Variants in NRG1 observed in about 807,000 individuals in gnomAD.
The protein encoded by NRG1 is neuregulin 1.
A neutral mutation model predicts 63.8 loss-of-function variants in NRG1; 18 were observed. That is an observed-to-expected ratio of 0.28 (90% confidence interval 0.19 to 0.42). NRG1 has a LOEUF of 0.42. Among genes scored for constraint, NRG1 ranks in the 10% least tolerant of loss-of-function variants. NRG1 has a pLI of 1.00. For missense variants in NRG1, 762 were observed against 814.7 expected (o/e 0.94, Z 0.79); for synonymous variants, 302 against 301.3 (o/e 1.00, Z -0.02).
intron 1 of NRG1, among the ~76,000 whole-genome samples, chr8:31,752,499 G>A (rs558996550): frequency 2.0e-5 from 3 of 152,148 alleles, no homozygotes; most frequent in Non-Finnish European, 4.4e-5. Flanking sequence ...TCAACATTCA[G>A]CTAGTATTTA....
intron 1 of NRG1, among the ~76,000 whole-genome samples, chr8:32,260,397 G>C (rs1850233654): frequency 6.6e-6 from 1 of 152,164 alleles, no homozygotes; most frequent in African/African-American, 2.4e-5. Context: ...GCAAGTGCCA[G>C]GCTGTGCCAA....
At chr8:32,387,265 T>C (rs1460500172) in intron 1 of NRG1, among the ~76,000 whole-genome samples, 1 of 152,258 alleles carries the variant, frequency 6.6e-6, no homozygotes, top group Non-Finnish European at 1.5e-5. Context: ...GATTTATTGA[T>C]GTGACTATTG....
intron 5 of NRG1, among the ~76,000 whole-genome samples, chr8:32,705,365 T>C (rs1692496008): frequency 6.6e-6 from 1 of 152,164 alleles, no homozygotes; most frequent in Non-Finnish European, 1.5e-5. Flanking sequence ...TCTCCTGACC[T>C]TGTGATCTGC....
chr8:32,654,716 T>C (rs564246508), intron 5 of NRG1, among the ~76,000 whole-genome samples: 1 of 89,504 alleles, frequency 1.1e-5, no homozygotes, highest in Admixed American at 1.2e-4. Flanking sequence ...CAATATAATA[T>C]ATGAGAAAAT....
chr8:31,716,765 T>C (rs2131284936), intron 1 of NRG1, among the ~76,000 whole-genome samples: 1 of 152,324 alleles, frequency 6.6e-6, no homozygotes, highest in Non-Finnish European at 1.5e-5. Context: ...GCATAATCTT[T>C]AGGGTAAAGT....
chr8:31,927,023 T>G (rs949770231), intron 1 of NRG1, among the ~76,000 whole-genome samples: 24 of 152,194 alleles, frequency 1.6e-4, no homozygotes, highest in Admixed American at 1.4e-3. Flanking sequence ...CTGATTTTTT[T>G]TAGTAATAAA....
At chr8:32,429,362 A>C (rs1817840256) in intron 1 of NRG1, among the ~76,000 whole-genome samples, 1 of 152,186 alleles carries the variant, frequency 6.6e-6, no homozygotes, top group Admixed American at 6.5e-5. Context: ...TCTTGGCCTC[A>C]TCAAACATAA....
chr8:32,037,094 T>G (rs527963641), intron 1 of NRG1, among the ~76,000 whole-genome samples: 1 of 152,358 alleles, frequency 6.6e-6, no homozygotes, highest in South Asian at 2.1e-4. Flanking sequence ...TCTTTGAGGC[T>G]GCTGACCTTT....
chr8:32,047,109 A>G lies in NRG1; in HGVS notation c.37+407678A>G, dbSNP rs190699634. 4.2e-3 allele frequency among the ~76,000 whole-genome samples: 644 copies of G among 151,896 alleles called. 3 individuals carry two copies. Among genetic ancestry groups the G allele is most frequent in the African/African-American group, 0.015 (612 of 41,440 alleles). On this transcript the variant is annotated intron_variant, in intron 1 of 10. Transcript: ENST00000519301. Reference sequence around the variant, plus strand: ...GTCTCACTCACTTTAGTTTTTCTCTATTCCCTAAAGATCCGAGTTATAATA... The same window carrying G: ...GTCTCACTCACTTTAGTTTTTCTCTGTTCCCTAAAGATCCGAGTTATAATA...
At chr8:31,945,956 A>C (rs1184643406) in intron 1 of NRG1, among the ~76,000 whole-genome samples, 1 of 152,250 alleles carries the variant, frequency 6.6e-6, no homozygotes, top group East Asian at 1.9e-4. Context: ...ATGAATAAAC[A>C]GAAGAGAAGA....
At chr8:32,179,019 G>C (rs767145789) in intron 1 of NRG1, among the ~76,000 whole-genome samples, 19 of 151,830 alleles carry the variant, frequency 1.3e-4, no homozygotes, top group Non-Finnish European at 2.5e-4. Context: ...ATGTACATTT[G>C]GTTTCTGCAG....
chr8:31,787,355 C>T (rs1354336), intron 1 of NRG1, among the ~76,000 whole-genome samples: 113,809 of 152,086 alleles, frequency 0.75, 43,049 homozygotes, highest in East Asian at 0.99. Flanking sequence ...GCAGTGATAG[C>T]AGGGATTTAA....
chr8:31,968,764 C>T (rs1806796388), intron 1 of NRG1, among the ~76,000 whole-genome samples: 2 of 152,090 alleles, frequency 1.3e-5, no homozygotes, highest in African/African-American at 4.8e-5. Context: ...TCAAAGTGGG[C>T]CCTGGTTTTT....
chr8:32,719,483 C>G (rs1202615235), intron 5 of NRG1, among the ~76,000 whole-genome samples: 1 of 151,904 alleles, frequency 6.6e-6, no homozygotes, highest in Non-Finnish European at 1.5e-5. Flanking sequence ...GTATGTATCT[C>G]TAAAAGATAA....
chr8:32,650,029 C>T (rs910856320), intron 5 of NRG1, among the ~76,000 whole-genome samples: 2 of 152,116 alleles, frequency 1.3e-5, no homozygotes, highest in East Asian at 3.8e-4. Flanking sequence ...AAAAAATGCC[C>T]TTTGAAAAAC....
At chr8:31,770,897 T>C (rs1818562856) in intron 1 of NRG1, among the ~76,000 whole-genome samples, 1 of 151,928 alleles carries the variant, frequency 6.6e-6, no homozygotes, top group South Asian at 2.1e-4. Flanking sequence ...TTACCTAGTG[T>C]CCATCATGGA....
intron 1 of NRG1, among the ~76,000 whole-genome samples, chr8:32,433,287 C>G (rs926769651): frequency 2.0e-5 from 3 of 152,260 alleles, no homozygotes; most frequent in African/African-American, 7.2e-5. Flanking sequence ...TTCCAACTCA[C>G]TTCGACACCC....
At chr8:32,508,788 T>A (rs1828840290) in intron 1 of NRG1, among the ~76,000 whole-genome samples, 1 of 151,988 alleles carries the variant, frequency 6.6e-6, no homozygotes, top group African/African-American at 2.4e-5. Flanking sequence ...CAGGCTGGAG[T>A]GCAGTGGGGC....
chr8:32,457,817 G>A (rs1821791697), intron 1 of NRG1, among the ~76,000 whole-genome samples: 1 of 152,078 alleles, frequency 6.6e-6, no homozygotes, highest in African/African-American at 2.4e-5. Flanking sequence ...TCTAGTTAGT[G>A]CATACATATA....
Sources: gnomAD v4.1 joint callset for allele counts (sites outside exome capture counted in the v4.1 genomes callset) on GRCh38, gnomAD v4.1.1 for gene constraint, MANE v1.5 for transcripts, NCBI Gene and HGNC (gene_info 2026-07-23, HGNC 2026-07-21) for gene names.